The following EVC variants were observed in gnomAD, a reference collection of about 807,000 sequenced individuals.
EVC encodes EvC ciliary complex subunit 1.
Under a neutral mutation model 118.9 loss-of-function variants are expected in EVC, and 116 were observed. The observed-to-expected ratio is 0.98, with a 90% confidence interval of 0.84 to 1.14. EVC has a LOEUF of 1.14. EVC is among the 50% of genes most tolerant of loss of function. The probability of loss-of-function intolerance (pLI) is 0.00; values close to 1 mark genes in which losing one functional copy is unlikely to be tolerated. For missense variants in EVC, 1,401 were observed against 1,246.4 expected (o/e 1.12, Z -1.87); for synonymous variants, 619 against 534.7 (o/e 1.16, Z -2.18).
the EVC span, among the ~76,000 whole-genome samples, chr4:5,828,959 C>G: frequency 6.6e-6 from 1 of 152,090 alleles, no homozygotes; most frequent in African/African-American, 2.4e-5. Context: ...AATGTGGCTG[C>G]TTTGACTGTA....
In EVC at chr4:5,743,236, C is replaced by A. The variant is rs1346201089; in HGVS notation, c.801+1422C>A. Among the ~76,000 whole-genome samples the A allele has an allele frequency of 6.6e-6, 1 of 152,144 alleles. No individual in the cohort carries two copies. The highest frequency in any genetic ancestry group is 1.5e-5 in the Non-Finnish European group (1 of 68,040). ...CCACTGGTTCCTGCCGGTTTCTTCA[C>A]TTTATCCTGTCTGGACCAGATCCCA... On this transcript the variant is annotated intron_variant, in intron 6 of 20. Transcript: ENST00000264956. This position sits in a 1 kb window ranked among gnomAD's most constrained non-coding sequence, Gnocchi z 4.7.
At chr4:5,814,557 G>T (rs1481304303), downstream of EVC, among the ~76,000 whole-genome samples, 1 of 152,172 alleles carries the variant, frequency 6.6e-6, no homozygotes, top group Non-Finnish European at 1.5e-5. Flanking sequence ...GGCGTTCCCT[G>T]GCTCTTAGGA....
At chr4:5,744,904 A>G (rs1030315785) in intron 6 of EVC, among the ~76,000 whole-genome samples, 12 of 151,690 alleles carry the variant, frequency 7.9e-5, no homozygotes, top group Admixed American at 7.2e-4. Context: ...GGATGTCATG[A>G]TATTTTCCAG....
intron 5 of EVC, among the ~76,000 whole-genome samples, chr4:5,735,471 T>A (rs1263425825): frequency 6.6e-6 from 1 of 152,226 alleles, no homozygotes; most frequent in African/African-American, 2.4e-5. Context: ...CAGCTATTGC[T>A]ATATGGAGTT....
At chr4:5,724,335 G>T (rs1162059116) in intron 2 of EVC, among the ~76,000 whole-genome samples, 1 of 152,188 alleles carries the variant, frequency 6.6e-6, no homozygotes, top group African/African-American at 2.4e-5. Context: ...GTTGGATGTG[G>T]GGACTTGGGA....
downstream of EVC, among the ~76,000 whole-genome samples, chr4:5,815,955 C>T (rs974578248): frequency 2.6e-5 from 4 of 151,920 alleles, no homozygotes; most frequent in African/African-American, 7.3e-5. Context: ...TATATACTTT[C>T]CTCCTGTGGT....
At chr4:5,781,303 C>A (rs1735563518) in intron 11 of EVC, among the ~76,000 whole-genome samples, 1 of 152,096 alleles carries the variant, frequency 6.6e-6, no homozygotes, top group Admixed American at 6.5e-5. Flanking sequence ...TGGGTGCAGA[C>A]CCTAGCGCGA....
At chr4:5,761,114 T>C (rs1054561367) in intron 11 of EVC, among the ~76,000 whole-genome samples, 1 of 152,142 alleles carries the variant, frequency 6.6e-6, no homozygotes, top group African/African-American at 2.4e-5. Flanking sequence ...GCCTGGACTG[T>C]TCTGAGCTCT....
rs1001180 is a variant in EVC at position 5,745,565 on chromosome 4, C to T, written c.939+224C>T. ...GTTTATTTTTTATATCATGAATTAT[C>T]CTCATTTAAATTTCAGATTGGTCTT... On this transcript the variant is annotated intron_variant, in intron 7 of 20. Transcript: ENST00000264956. Among the ~76,000 whole-genome samples the T allele has an allele frequency of 0.56, 84,853 of 152,052 alleles. 24,077 individuals are homozygous for T. Among genetic ancestry groups the T allele is most frequent in the Non-Finnish European group, 0.62 (41,816 of 67,980 alleles).
intron 12 of EVC, among the ~76,000 whole-genome samples, chr4:5,788,122 C>A (rs1290019882): frequency 6.6e-6 from 1 of 152,166 alleles, no homozygotes; most frequent in Admixed American, 6.5e-5. Flanking sequence ...TCAGTGATCC[C>A]ATCCAGTCAC....
intron 11 of EVC, among the ~76,000 whole-genome samples, chr4:5,771,135 A>G (rs1733887672): frequency 2.0e-5 from 3 of 152,198 alleles, no homozygotes; most frequent in Admixed American, 2.0e-4. Flanking sequence ...CAGTGGCTTA[A>G]AGCAACACAA....
At chr4:5,752,506 A>C (rs1730535995) in intron 8 of EVC, among the ~76,000 whole-genome samples, 2 of 152,066 alleles carry the variant, frequency 1.3e-5, no homozygotes, top group South Asian at 2.1e-4. Flanking sequence ...AGATGACTAT[A>C]AGCCAGGTGG....
chr4:5,768,437 C>T lies in EVC; in HGVS notation c.1563+12075C>T, dbSNP rs149433278. Among the ~76,000 whole-genome samples the T allele has an allele frequency of 1.2e-3, 182 of 152,142 alleles. 1 individual carries two copies. The highest frequency in any genetic ancestry group is 6.8e-3 in the Middle Eastern group (2 of 294). Reference sequence around the variant, plus strand: ...GCCTGGAGCTTTGTGTTTGTTTGGACGATCAATATCCCACCTCCTCTATGT... The same window carrying T: ...GCCTGGAGCTTTGTGTTTGTTTGGATGATCAATATCCCACCTCCTCTATGT... On this transcript the variant is annotated intron_variant, in intron 11 of 20. Coordinates refer to ENST00000264956, the MANE Select transcript of EVC (RefSeq NM_153717.3).
At chr4:5,810,137 G>T (rs1234915553) in intron 19 of EVC, among the ~76,000 whole-genome samples, 7 of 152,222 alleles carry the variant, frequency 4.6e-5, no homozygotes, top group Non-Finnish European at 8.8e-5. Context: ...TTCCTGGCTT[G>T]TGCAGGCTTG....
intron 15 of EVC, among the ~76,000 whole-genome samples, chr4:5,800,276 C>T (rs1475008299): frequency 2.0e-5 from 3 of 152,122 alleles, no homozygotes; most frequent in Non-Finnish European, 2.9e-5. Context: ...ATCTGGGAGG[C>T]GGAGGTTGCA....
the EVC span, chr4:5,824,511 C>T: frequency 1.0e-6 from 1 of 985,292 alleles, no homozygotes; most frequent in South Asian, 4.7e-5. Context: ...TTTGCCCCTT[C>T]CACTCTCTCT....
At chr4:5,758,233 G>A (rs1053957263) in intron 11 of EVC, 5 of 653,470 alleles carry the variant, frequency 7.7e-6, no homozygotes, top group South Asian at 1.7e-5. Context: ...TTTGGAGGGG[G>A]CGAGGCTCTG....
intron 18 of EVC, among the ~76,000 whole-genome samples, chr4:5,808,546 G>C (rs554953575): frequency 6.6e-6 from 1 of 152,302 alleles, no homozygotes; most frequent in Admixed American, 6.5e-5. Flanking sequence ...CCCTACAGCA[G>C]CTGCAGCATG....
At chr4:5,764,304 C>G (rs1732523315) in intron 11 of EVC, among the ~76,000 whole-genome samples, 1 of 137,188 alleles carries the variant, frequency 7.3e-6, no homozygotes. Flanking sequence ...TTCGGTTTGC[C>G]AGTATTTTAT....
Sources: allele counts gnomAD v4.1 joint callset (sites outside exome capture counted in the v4.1 genomes callset), GRCh38; gene constraint gnomAD v4.1.1; non-coding constraint Gnocchi (gnomAD v3.1); transcripts MANE v1.5; gene names NCBI Gene and HGNC (gene_info 2026-07-23, HGNC 2026-07-21).